The following GLIS3 variants were observed in gnomAD, a reference collection of about 807,000 sequenced individuals.
GLIS3 encodes GLIS family zinc finger 3.
Under a neutral mutation model 78.6 loss-of-function variants are expected in GLIS3, and 53 were observed. The observed-to-expected ratio is 0.67, with a 90% CI of 0.54 to 0.85. GLIS3 has a LOEUF of 0.85. GLIS3 is among the 40% of genes least tolerant of loss of function. The probability of loss-of-function intolerance (pLI) is 0.00; values close to 1 mark genes in which losing one functional copy is unlikely to be tolerated. For synonymous variants in GLIS3, 684 were observed against 509.9 expected, an observed-to-expected ratio of 1.34 and a Z score of -4.60; for missense variants, 1,703 against 1,231.1, an observed-to-expected ratio of 1.38 and a Z score of -5.74.
intron 4 of GLIS3, among the ~76,000 whole-genome samples, chr9:4,113,055 C>A (rs1280978729): frequency 6.6e-6 from 1 of 151,710 alleles, no homozygotes; most frequent in Non-Finnish European, 1.5e-5. Flanking sequence ...TATAATATTG[C>A]CCGGTTTGTG....
intron 4 of GLIS3, among the ~76,000 whole-genome samples, chr9:3,968,527 A>T (rs908787632): frequency 1.3e-5 from 2 of 152,220 alleles, no homozygotes; most frequent in Non-Finnish European, 2.9e-5. Context: ...TATATTAAGG[A>T]AAAATGTTTG....
intron 2 of GLIS3, chr9:4,144,806 C>G (rs1242481490): frequency 2.0e-5 from 3 of 152,154 alleles, no homozygotes; most frequent in African/African-American, 7.2e-5. Context: ...TTCTCGTAAA[C>G]ATAACTCACA....
chr9:4,361,626 C>T, the GLIS3 span, among the ~76,000 whole-genome samples: 1 of 152,168 alleles, frequency 6.6e-6, no homozygotes, highest in Non-Finnish European at 1.5e-5. Context: ...AGTAGAAGCC[C>T]AAGCTTTTGG....
intron 7 of GLIS3, among the ~76,000 whole-genome samples, chr9:3,897,436 T>TAA (rs1164564152): frequency 1.4e-5 from 2 of 143,056 alleles, no homozygotes; most frequent in Non-Finnish European, 3.2e-5. Context: ...TGGTTTTTCA[T>TAA]ATATATATAT....
the GLIS3 span, among the ~76,000 whole-genome samples, chr9:4,424,379 G>T: frequency 4.8e-4 from 73 of 152,292 alleles, no homozygotes; most frequent in Admixed American, 1.8e-3. Context: ...AAACCACTAT[G>T]AATCTCTGCC....
intron 9 of GLIS3, among the ~76,000 whole-genome samples, chr9:3,854,916 C>A (rs912794600): frequency 2.0e-4 from 31 of 152,166 alleles, no homozygotes; most frequent in African/African-American, 7.2e-4. Flanking sequence ...ATTATTCACA[C>A]TCAATTTGCA....
intron 2 of GLIS3, among the ~76,000 whole-genome samples, chr9:4,134,512 T>A (rs1833247246): frequency 6.6e-6 from 1 of 152,202 alleles, no homozygotes; most frequent in African/African-American, 2.4e-5. Context: ...GTTTCTTCCA[T>A]CTCTAAAAGA....
At chr9:4,167,196 G>A (rs1297534840) in intron 2 of GLIS3, among the ~76,000 whole-genome samples, 1 of 152,176 alleles carries the variant, frequency 6.6e-6, no homozygotes, top group Non-Finnish European at 1.5e-5. Context: ...TGCAACAGGA[G>A]CTCCTGTTTG....
intron 2 of GLIS3, among the ~76,000 whole-genome samples, chr9:4,224,825 C>A (rs1269988212): frequency 1.3e-5 from 2 of 151,626 alleles, no homozygotes; most frequent in South Asian, 4.2e-4. Context: ...TGTTGAACAG[C>A]AAAATCATTC....
the GLIS3 span, among the ~76,000 whole-genome samples, chr9:4,417,734 A>AT: frequency 6.6e-6 from 1 of 152,204 alleles, no homozygotes; most frequent in South Asian, 2.1e-4. Flanking sequence ...TCTCACTTAC[A>AT]TTATGTGAGA....
intron 4 of GLIS3, among the ~76,000 whole-genome samples, chr9:4,017,948 G>A (rs971148435): frequency 2.0e-5 from 3 of 152,144 alleles, no homozygotes; most frequent in Non-Finnish European, 2.9e-5. Context: ...TTTTAATATG[G>A]CAACTTCCCT....
At chr9:4,066,932 G>A (rs1415807424) in intron 4 of GLIS3, among the ~76,000 whole-genome samples, 1 of 152,182 alleles carries the variant, frequency 6.6e-6, no homozygotes, top group Non-Finnish European at 1.5e-5. Context: ...CACCCAGGCA[G>A]GGAGCTTCTT....
chr9:3,859,555 T>C (rs1323160629), intron 8 of GLIS3, among the ~76,000 whole-genome samples: 1 of 152,232 alleles, frequency 6.6e-6, no homozygotes, highest in East Asian at 1.9e-4. Context: ...TTTTCCCTCT[T>C]ATGGAGTATC....
the GLIS3 span, among the ~76,000 whole-genome samples, chr9:4,442,194 C>G: frequency 6.6e-6 from 1 of 152,086 alleles, no homozygotes; most frequent in Admixed American, 6.6e-5. Flanking sequence ...TACATGTGCC[C>G]AGGAATTTAT....
chr9:3,879,483 A>T lies in GLIS3; in HGVS notation c.2241T>A (p.Pro747=). The T allele has an allele frequency of 6.2e-7, 1 of 1,614,070 alleles. No individual in the cohort carries two copies. Among genetic ancestry groups the T allele is most frequent in the African/African-American group, 1.3e-5 (1 of 75,004 alleles). Residue 747 remains proline, a synonymous_variant, in exon 8 of 11, where the codon CCT becomes CCA. Coordinates refer to ENST00000381971, the MANE Select transcript of GLIS3 (RefSeq NM_001042413.2). The part of the protein sequence containing the change: ...PSPGHNVQGS[P]HNPSSQLPPL... ...GAGGTAACTGGGAGGAGGGGTTGTGAGGGCTCCCCTGTACATTATGTCCTG... is the reference window on the plus strand; with the variant it reads ...GAGGTAACTGGGAGGAGGGGTTGTGTGGGCTCCCCTGTACATTATGTCCTG...
At chr9:3,878,044 A>C (rs1308463551) in intron 8 of GLIS3, among the ~76,000 whole-genome samples, 1 of 152,112 alleles carries the variant, frequency 6.6e-6, no homozygotes, top group East Asian at 1.9e-4. Context: ...CTGTCATCCC[A>C]AGCTACTGAG....
chr9:4,275,932 G>C (rs1227852860), intron 2 of GLIS3, among the ~76,000 whole-genome samples: 2 of 152,078 alleles, frequency 1.3e-5, no homozygotes, highest in African/African-American at 4.8e-5. Context: ...ATGAAAGTTT[G>C]TGAACTACAA....
chr9:4,089,491 C>T (rs1829313288), intron 4 of GLIS3, among the ~76,000 whole-genome samples: 1 of 151,808 alleles, frequency 6.6e-6, no homozygotes, highest in Non-Finnish European at 1.5e-5. Context: ...TATAAAATTG[C>T]TGAGGAATTA....
intron 2 of GLIS3, among the ~76,000 whole-genome samples, chr9:4,281,166 T>C (rs867259058): frequency 3.3e-5 from 5 of 152,236 alleles, no homozygotes; most frequent in Admixed American, 1.3e-4. Context: ...TAATGGGATG[T>C]GTGTTAAATT....
Sources: gnomAD v4.1 joint callset for allele counts (sites outside exome capture counted in the v4.1 genomes callset) on GRCh38, gnomAD v4.1.1 for gene constraint, MANE v1.5 for transcripts, NCBI Gene and HGNC (gene_info 2026-07-23, HGNC 2026-07-21) for gene names.